Variants in CTNNA2 observed in about 807,000 individuals in gnomAD.
CTNNA2 encodes catenin alpha-2.
A neutral mutation model predicts 101.0 loss-of-function variants in CTNNA2; 42 were observed. The ratio of observed to expected loss-of-function variants is 0.42; its 90% CI spans 0.32 to 0.54. CTNNA2 has a LOEUF of 0.54. Ranked by LOEUF, CTNNA2 falls within the 20% of genes least tolerant of loss-of-function variation. The probability of loss-of-function intolerance (pLI) is 0.14; values close to 1 mark genes in which losing one functional copy is unlikely to be tolerated. For missense variants in CTNNA2, 871 were observed against 1,223.1 expected, an observed-to-expected ratio of 0.71 and a Z score of 4.29; for synonymous variants, 450 against 456.4, an observed-to-expected ratio of 0.99 and a Z score of 0.18.
At chr2:80,641,121 T>C (rs1448806310) in intron 18 of CTNNA2, among the ~76,000 whole-genome samples, 1 of 152,148 alleles carries the variant, frequency 6.6e-6, no homozygotes, top group Non-Finnish European at 1.5e-5. Flanking sequence ...GAAAATAAAA[T>C]AGCAAGGCCC....
intron 3 of CTNNA2, chr2:79,339,508 A>G (rs1214338937): frequency 1.3e-5 from 2 of 152,230 alleles, no homozygotes; most frequent in Non-Finnish European, 1.5e-5. Flanking sequence ...GTGAGTCTTT[A>G]TATTATTATG....
chr2:79,956,855 T>TTTTTTTG, intron 7 of CTNNA2, among the ~76,000 whole-genome samples: 2 of 148,294 alleles, frequency 1.3e-5, no homozygotes, highest in African/African-American at 2.5e-5. Context: ...TTTTTTTTTT[T>TTTTTTTG]TTTTTTTTTT....
intron 2 of CTNNA2, among the ~76,000 whole-genome samples, chr2:79,245,268 T>A (rs1674684892): frequency 6.6e-6 from 1 of 152,012 alleles, no homozygotes; most frequent in South Asian, 2.1e-4. Context: ...CTGGCCAACA[T>A]GCGAAATGCC....
intron 6 of CTNNA2, among the ~76,000 whole-genome samples, chr2:79,883,167 A>G (rs1683581387): frequency 6.6e-6 from 1 of 152,344 alleles, no homozygotes; most frequent in Middle Eastern, 3.4e-3. Flanking sequence ...TTTGAAACAC[A>G]CTTCATATTA....
chr2:80,353,359 G>A (rs555304151), intron 7 of CTNNA2, among the ~76,000 whole-genome samples: 68 of 152,212 alleles, frequency 4.5e-4, no homozygotes, highest in Middle Eastern at 6.8e-3. Context: ...TTATGTGGTA[G>A]CTTGGCATAA....
intron 7 of CTNNA2, among the ~76,000 whole-genome samples, chr2:80,264,967 G>A (rs554006744): frequency 3.3e-5 from 4 of 120,144 alleles, no homozygotes; most frequent in East Asian, 5.4e-4. Context: ...GGGAAGGATA[G>A]GGAAGAGGTG....
chr2:79,904,935 C>G (rs1685317467), intron 6 of CTNNA2, among the ~76,000 whole-genome samples: 1 of 152,182 alleles, frequency 6.6e-6, no homozygotes, highest in Non-Finnish European at 1.5e-5. Context: ...TAGTTTCGAA[C>G]TACATAGTCT....
chr2:80,353,684 A>C (rs1673521739), intron 7 of CTNNA2, among the ~76,000 whole-genome samples: 1 of 152,176 alleles, frequency 6.6e-6, no homozygotes. Context: ...ATATCATTAC[A>C]AAACAATGAT....
chr2:79,697,745 A>C (rs1684734502), intron 2 of CTNNA2: 1 of 151,972 alleles, frequency 6.6e-6, no homozygotes, highest in Non-Finnish European at 1.5e-5. Context: ...TCTGTTGTTA[A>C]AAAAAATTAG....
intron 7 of CTNNA2, among the ~76,000 whole-genome samples, chr2:80,049,421 T>C (rs541036274): frequency 6.6e-6 from 1 of 152,312 alleles, no homozygotes; most frequent in Non-Finnish European, 1.5e-5. Context: ...CCTGACACAG[T>C]GCTCAACAAG....
At chr2:79,831,168 T>G (rs1678896420) in intron 3 of CTNNA2, among the ~76,000 whole-genome samples, 1 of 152,174 alleles carries the variant, frequency 6.6e-6, no homozygotes, top group Non-Finnish European at 1.5e-5. Flanking sequence ...GTTTTCTCAT[T>G]ATAAATTTAC....
At chr2:80,174,224 T>A (rs1573300706) in intron 7 of CTNNA2, among the ~76,000 whole-genome samples, 1 of 152,334 alleles carries the variant, frequency 6.6e-6, no homozygotes, top group Middle Eastern at 3.4e-3. Context: ...TTCCCATACA[T>A]ACACTGCTTT....
chr2:79,791,492 T>C (rs114881752), intron 3 of CTNNA2, among the ~76,000 whole-genome samples: 2,946 of 152,320 alleles, frequency 0.019, 88 homozygotes, highest in African/African-American at 0.066. Context: ...CCTGCCTGCA[T>C]CTTCTCTTCT....
chr2:80,331,923 T>C (rs1341986697), intron 7 of CTNNA2, among the ~76,000 whole-genome samples: 1 of 152,142 alleles, frequency 6.6e-6, no homozygotes, highest in Admixed American at 6.5e-5. Context: ...CTGCTTGTTG[T>C]GTCAAATTTT....
At chr2:79,290,514 G>A (rs145652785) in intron 2 of CTNNA2, among the ~76,000 whole-genome samples, 391 of 152,148 alleles carry the variant, frequency 2.6e-3, no homozygotes, top group Non-Finnish European at 4.5e-3. Flanking sequence ...TGCCCCCGTC[G>A]TGTGCCTATA....
chr2:79,378,241 A>T (rs1374904254), intron 4 of CTNNA2, among the ~76,000 whole-genome samples: 1 of 152,182 alleles, frequency 6.6e-6, no homozygotes, highest in Non-Finnish European at 1.5e-5. Flanking sequence ...CCAAATGTAC[A>T]TGTCTTTGAC....
chr2:80,596,459 G>A (rs190086269), intron 15 of CTNNA2, among the ~76,000 whole-genome samples: 91 of 151,092 alleles, frequency 6.0e-4, no homozygotes, highest in African/African-American at 2.0e-3. Flanking sequence ...ACAGGTGCCC[G>A]CCACCATGCC....
chr2:80,093,669 T>G (rs911575880), intron 7 of CTNNA2, among the ~76,000 whole-genome samples: 47 of 146,576 alleles, frequency 3.2e-4, no homozygotes, highest in Admixed American at 1.3e-4. Flanking sequence ...AGCACCTGTT[T>G]TTTCCTGACT....
chr2:79,873,478 G>A (rs1682749183), intron 5 of CTNNA2, among the ~76,000 whole-genome samples: 1 of 152,188 alleles, frequency 6.6e-6, no homozygotes, highest in African/African-American at 2.4e-5. Flanking sequence ...AGGAGAGGAA[G>A]AGTGTCTTGT....
Sources: allele counts gnomAD v4.1 joint callset (sites outside exome capture counted in the v4.1 genomes callset), GRCh38; gene constraint gnomAD v4.1.1; transcripts MANE v1.5; gene names NCBI Gene and HGNC (gene_info 2026-07-23, HGNC 2026-07-21).